Variants in NLK observed in about 807,000 individuals in gnomAD.
NLK encodes nemo like kinase, also known as serine/threonine-protein kinase NLK.
A neutral mutation model predicts 59.0 loss-of-function variants in NLK; 11 were observed. That is an observed-to-expected ratio of 0.19 (90% confidence interval 0.12 to 0.31). NLK has a LOEUF of 0.31. Ranked by LOEUF, NLK falls within the 10% of genes least tolerant of loss-of-function variation. The probability of loss-of-function intolerance (pLI) is 1.00; values close to 1 mark genes in which losing one functional copy is unlikely to be tolerated. For synonymous variants in NLK, 235 were observed against 235.9 expected (o/e 1.00, Z 0.03); for missense variants, 410 against 661.1 (o/e 0.62, Z 4.16).
At chr17:28,108,078 A>C (rs1001706024) in intron 1 of NLK, among the ~76,000 whole-genome samples, 4 of 152,146 alleles carry the variant, frequency 2.6e-5, no homozygotes, top group African/African-American at 9.7e-5. Context: ...TACTAAAAAT[A>C]TAAAAATTAG....
chr17:28,103,880 C>G (rs1385143525), intron 1 of NLK, among the ~76,000 whole-genome samples: 1 of 152,178 alleles, frequency 6.6e-6, no homozygotes, highest in Non-Finnish European at 1.5e-5. Flanking sequence ...TTGTTGTATA[C>G]ACTCACTCTA....
chr17:28,065,835 C>T (rs1909806121), intron 1 of NLK, among the ~76,000 whole-genome samples: 1 of 152,162 alleles, frequency 6.6e-6, no homozygotes, highest in Non-Finnish European at 1.5e-5. Flanking sequence ...TCAGTGTTCT[C>T]TAGCAAGTCT....
intron 1 of NLK, among the ~76,000 whole-genome samples, chr17:28,067,969 C>T (rs1382469135): frequency 6.6e-6 from 1 of 151,530 alleles, no homozygotes; most frequent in Non-Finnish European, 1.5e-5. Context: ...GGTGAAACCC[C>T]ACCTCTACTA....
At chr17:28,062,553 A>G (rs1909696956) in intron 1 of NLK, among the ~76,000 whole-genome samples, 2 of 152,196 alleles carry the variant, frequency 1.3e-5, no homozygotes, top group African/African-American at 4.8e-5. Context: ...GTGTATTATA[A>G]TCTGAGTCAC....
chr17:28,157,153 A>T (rs1907786928), intron 3 of NLK, among the ~76,000 whole-genome samples: 1 of 150,956 alleles, frequency 6.6e-6, no homozygotes, highest in Non-Finnish European at 1.5e-5. Flanking sequence ...AGTAGCTGGG[A>T]CTACCAGCAA....
intron 1 of NLK, among the ~76,000 whole-genome samples, chr17:28,108,691 A>G (rs1457543877): frequency 6.6e-6 from 1 of 152,252 alleles, no homozygotes; most frequent in Non-Finnish European, 1.5e-5. Context: ...ATTAGTTTGA[A>G]TAAATGGAAA....
intron 1 of NLK, among the ~76,000 whole-genome samples, chr17:28,114,636 T>C (rs2142808930): frequency 6.6e-6 from 1 of 152,358 alleles, no homozygotes; most frequent in East Asian, 1.9e-4. Context: ...CCTGCCTTAA[T>C]ATCATATTCT....
At chr17:28,172,650 C>G in intron 7 of NLK, 32 bp downstream of exon 7, 1 of 1,299,248 alleles carries the variant, frequency 7.7e-7, no homozygotes, top group Non-Finnish European at 1.0e-6. Context: ...TTTCTGGTAA[C>G]CATCTGTTTG....
chr17:28,098,348 G>A (rs970861341), intron 1 of NLK, among the ~76,000 whole-genome samples: 1 of 152,118 alleles, frequency 6.6e-6, no homozygotes, highest in Non-Finnish European at 1.5e-5. Context: ...TATACCCAAG[G>A]TGGAGTAAAA....
intron 1 of NLK, among the ~76,000 whole-genome samples, chr17:28,064,929 A>G (rs1359341012): frequency 6.6e-6 from 1 of 152,198 alleles, no homozygotes; most frequent in Non-Finnish European, 1.5e-5. Flanking sequence ...AACACTCAAT[A>G]AATATTAGCT....
rs763914723 is a variant in NLK at position 28,194,841 on chromosome 17, A to G, written c.*205A>G. 10 of 394,866 alleles carry G rather than the reference A, an allele frequency of 2.5e-5. No individual in the cohort carries two copies. Among genetic ancestry groups the G allele is most frequent in the Non-Finnish European group, 3.6e-5 (8 of 222,712 alleles). The allele number at this position is 394,866 out of a possible 1,614,324, so 24.5% of individuals were successfully genotyped here. ...AAAGTGGTTGTGCTTTTAGAAGAAA[A>G]ATATTTTACCCAGAGTTGCACATGT... On this transcript the variant is annotated 3_prime_UTR_variant, in exon 11 of 11. Transcript: ENST00000407008.
chr17:28,078,975 A>G (rs755847214), intron 1 of NLK, among the ~76,000 whole-genome samples: 6 of 152,190 alleles, frequency 3.9e-5, no homozygotes, highest in Non-Finnish European at 5.9e-5. Flanking sequence ...GTTGTGCAAC[A>G]GATCTCTAGA....
At chr17:28,183,750 C>T (rs1909006542) in intron 7 of NLK, among the ~76,000 whole-genome samples, 1 of 152,084 alleles carries the variant, frequency 6.6e-6, no homozygotes, top group Non-Finnish European at 1.5e-5. Context: ...AAATCATTTA[C>T]CCCACTAAGA....
chr17:28,092,577 C>T (rs1275923048), intron 1 of NLK, among the ~76,000 whole-genome samples: 1 of 152,004 alleles, frequency 6.6e-6, no homozygotes, highest in Non-Finnish European at 1.5e-5. Context: ...CTGTTCCACC[C>T]TCAGGCTCAG....
intron 3 of NLK, among the ~76,000 whole-genome samples, chr17:28,134,991 G>C (rs1906680480): frequency 6.6e-6 from 1 of 152,158 alleles, no homozygotes. Flanking sequence ...AAAGGAGAGA[G>C]CTGGTGGGAA....
chr17:28,083,204 A>G (rs1385391381), intron 1 of NLK, among the ~76,000 whole-genome samples: 2 of 152,320 alleles, frequency 1.3e-5, no homozygotes, highest in East Asian at 3.9e-4. Context: ...AATTCTGGGT[A>G]TCAGGATGGG....
chr17:28,149,153 T>C (rs1907379104), intron 3 of NLK, among the ~76,000 whole-genome samples: 1 of 152,214 alleles, frequency 6.6e-6, no homozygotes, highest in South Asian at 2.1e-4. Context: ...CTCGAACTCC[T>C]GGGCTTAAAC....
chr17:28,094,977 C>T (rs933266503), intron 1 of NLK, among the ~76,000 whole-genome samples: 3 of 152,114 alleles, frequency 2.0e-5, no homozygotes, highest in African/African-American at 7.2e-5. Flanking sequence ...CTTCTTTAAC[C>T]AAAGAGGAAA....
chr17:28,052,818 T>C (rs181397482), intron 1 of NLK, among the ~76,000 whole-genome samples: 2 of 152,042 alleles, frequency 1.3e-5, no homozygotes, highest in Admixed American at 1.3e-4. Flanking sequence ...CTCAGTTTGG[T>C]CTAACCACAT....
Sources: gnomAD v4.1 joint callset for allele counts (sites outside exome capture counted in the v4.1 genomes callset) on GRCh38, gnomAD v4.1.1 for gene constraint, MANE v1.5 for transcripts, NCBI Gene and HGNC (gene_info 2026-07-23, HGNC 2026-07-21) for gene names.